The following SNAP91 variants were observed in gnomAD, a reference collection of about 807,000 sequenced individuals.
SNAP91 encodes the protein synaptosome associated protein 91.
A neutral mutation model predicts 100.3 loss-of-function variants in SNAP91; 27 were observed. That is an observed-to-expected ratio of 0.27 (90% CI 0.20 to 0.37). SNAP91 has a LOEUF of 0.37. SNAP91 is among the 10% of genes least tolerant of loss of function. The pLI, the probability that SNAP91 is intolerant of heterozygous loss-of-function variation, is 1.00. For synonymous variants in SNAP91, 404 were observed against 398.6 expected (o/e 1.01, Z -0.16); for missense variants, 986 against 1,123.7 (o/e 0.88, Z 1.75).
chr6:83,660,402 A>C (rs935716654), intron 5 of SNAP91, among the ~76,000 whole-genome samples: 13 of 152,236 alleles, frequency 8.5e-5, no homozygotes. Flanking sequence ...CCCCAAACTA[A>C]GGTCAGGTTA....
chr6:83,696,451 CAACT>C lies in SNAP91; in HGVS notation c.130+11343_130+11346del, dbSNP rs1587999670. On this transcript the variant is annotated intron_variant, in intron 2 of 29. Coordinates refer to ENST00000369694, the MANE Select transcript of SNAP91 (RefSeq NM_001242792.2). ...CATCTATAAAAATGAAAAGGCTGAT[CAACT>C]TCTAAGATTCTCCTAAGCCTAAAAA... Among the ~76,000 whole-genome samples, 3 of 152,316 alleles carry C rather than the reference CAACT, an allele frequency of 2.0e-5. No homozygotes were observed. The East Asian group carries it at 5.8e-4, about 29-fold the overall frequency.
chr6:83,560,260 G>T, intron 27 of SNAP91, 52 bp from the exon 28 acceptor site: 2 of 1,257,272 alleles, frequency 1.6e-6, no homozygotes, highest in Non-Finnish European at 1.2e-6. Context: ...ACTCACTAGG[G>T]CACTATCCTG....
intron 7 of SNAP91, among the ~76,000 whole-genome samples, chr6:83,645,787 G>A (rs758110527): frequency 2.6e-5 from 4 of 152,142 alleles, no homozygotes; most frequent in Non-Finnish European, 5.9e-5. Context: ...GGAGGTCAAG[G>A]CTGCAGTGAG....
At chr6:83,666,368 G>A (rs2098686324) in intron 2 of SNAP91, among the ~76,000 whole-genome samples, 1 of 151,954 alleles carries the variant, frequency 6.6e-6, no homozygotes, top group African/African-American at 2.4e-5. Context: ...AGCCACAGTG[G>A]GACAGTACAG....
In SNAP91 at chr6:83,591,195, AT is replaced by A; in HGVS notation, c.2014+15del. 1 of 1,528,230 alleles carries A rather than the reference AT, an allele frequency of 6.5e-7. No homozygotes were observed. The highest frequency in any genetic ancestry group is 9.1e-7 in the Non-Finnish European group (1 of 1,103,810). 94.7% of individuals were successfully genotyped at this position (1,528,230 alleles called of 1,614,324 possible). On this transcript the variant is annotated intron_variant, in intron 22 of 29. Transcript: ENST00000369694. ...CCAAATTTAACTTCTACAAAATACCATTTTAATTTAATTACCAGCTAGTAGG... is the reference window on the plus strand; with the variant it reads ...CCAAATTTAACTTCTACAAAATACCATTTAATTTAATTACCAGCTAGTAGG...
Position 83,610,726 on chromosome 6 carries a change from TATATATATATATATATATATAA to T in SNAP91, c.885-71_885-50del, listed in dbSNP as rs766128833. The T allele has an allele frequency of 2.2e-3, 438 of 197,802 alleles. 11 individuals are homozygous for T. Among genetic ancestry groups the T allele is most frequent in the Middle Eastern group, 0.01 (7 of 686 alleles). The allele number at this position is 197,802 out of a possible 1,614,324, so 12.3% of individuals were successfully genotyped here. On this transcript the variant is annotated intron_variant, in intron 11 of 29. Coordinates refer to ENST00000369694, the MANE Select transcript of SNAP91 (RefSeq NM_001242792.2). ...TTAAAACTGAATATATATATATATA[TATATATATATATATATATATAA>T]ATATATATGTGAATATATTTGTAGA...
chr6:83,680,280 A>T (rs1420281085), intron 2 of SNAP91, among the ~76,000 whole-genome samples: 1 of 152,182 alleles, frequency 6.6e-6, no homozygotes, highest in Non-Finnish European at 1.5e-5. Context: ...ATTCAAAAGG[A>T]ATAAGTAAGG....
chr6:83,666,352 A>T (rs1236019586), intron 2 of SNAP91, among the ~76,000 whole-genome samples: 3 of 152,088 alleles, frequency 2.0e-5, no homozygotes, highest in Non-Finnish European at 4.4e-5. Context: ...TAAGGAACAG[A>T]AGCTAAGCCA....
chr6:83,595,363 A>G (rs1218085564), intron 16 of SNAP91, among the ~76,000 whole-genome samples: 1 of 152,218 alleles, frequency 6.6e-6, no homozygotes, highest in Admixed American at 6.5e-5. Context: ...TCACATTTTA[A>G]GACTATAAGT....
chr6:83,619,249 T>G (rs1269501485), intron 9 of SNAP91, among the ~76,000 whole-genome samples: 1 of 152,186 alleles, frequency 6.6e-6, no homozygotes, highest in African/African-American at 2.4e-5. Context: ...TCATTTATAT[T>G]TCTTATAAAA....
At chr6:83,637,485 C>T (rs1210004872) in intron 8 of SNAP91, among the ~76,000 whole-genome samples, 1 of 152,192 alleles carries the variant, frequency 6.6e-6, no homozygotes, top group Admixed American at 6.5e-5. Context: ...CCCAGGGTTT[C>T]CAGCCTGGCA....
Position 83,665,905 on chromosome 6 carries a change from ATCT to A in SNAP91, c.131-327_131-325del, listed in dbSNP as rs1260746423. ...AGGAAGGCTAAGCCTCATGTATTTA[ATCT>A]TCTTTGTTACTGCTATAAGCACAAT... On this transcript the variant is annotated intron_variant, in intron 2 of 29. Coordinates refer to ENST00000369694, the MANE Select transcript of SNAP91 (RefSeq NM_001242792.2). Among the ~76,000 whole-genome samples the A allele has an allele frequency of 5.3e-5, 8 of 152,176 alleles. No individual in the cohort carries two copies. The East Asian group carries it at 1.2e-3, about 22-fold the overall frequency.
At chr6:83,706,809 C>T (rs796988837) in intron 2 of SNAP91, among the ~76,000 whole-genome samples, 13 of 152,326 alleles carry the variant, frequency 8.5e-5, no homozygotes, top group African/African-American at 3.1e-4. Context: ...CACAATAGAA[C>T]AGAAGATCCT....
chr6:83,677,745 T>TA (rs2128887159), intron 2 of SNAP91, among the ~76,000 whole-genome samples: 1 of 152,350 alleles, frequency 6.6e-6, no homozygotes, highest in African/African-American at 2.4e-5. Context: ...TTTTATATTT[T>TA]ATCCTCTTTT....
At chr6:83,649,525 T>C (rs1012082557) in intron 7 of SNAP91, among the ~76,000 whole-genome samples, 4 of 152,182 alleles carry the variant, frequency 2.6e-5, no homozygotes, top group Admixed American at 1.3e-4. Context: ...ATTAGAAGTG[T>C]CTCTAAGTCC....
intron 7 of SNAP91, among the ~76,000 whole-genome samples, chr6:83,653,617 G>C (rs949852986): frequency 6.6e-6 from 1 of 152,080 alleles, no homozygotes; most frequent in Non-Finnish European, 1.5e-5. Flanking sequence ...GTCGGGTTCT[G>C]ATGCTTGCTC....
intron 8 of SNAP91, among the ~76,000 whole-genome samples, chr6:83,631,039 T>C (rs1297060850): frequency 1.3e-5 from 2 of 152,154 alleles, no homozygotes; most frequent in African/African-American, 2.4e-5. Context: ...ATAGGTTGTG[T>C]CACTACTGTC....
Position 83,694,942 on chromosome 6 carries a change from T to G in SNAP91, c.130+12856A>C, listed in dbSNP as rs529331793. Among the ~76,000 whole-genome samples, 3 of 152,176 alleles carry G rather than the reference T, an allele frequency of 2.0e-5. No individual in the cohort carries two copies. The East Asian group carries it at 5.8e-4, about 29-fold the overall frequency. The stretch of plus-strand genomic sequence containing the variant: ...ACAGACAATATTTTGACATATATTC[T>G]TCCAAAATTATGGGCGTACACATAC... On this transcript the variant is annotated intron_variant, in intron 2 of 29. Coordinates refer to ENST00000369694, the MANE Select transcript of SNAP91 (RefSeq NM_001242792.2).
intron 3 of SNAP91, among the ~76,000 whole-genome samples, chr6:83,664,345 GA>G (rs1164067811): frequency 5.3e-5 from 8 of 152,126 alleles, no homozygotes; most frequent in African/African-American, 1.9e-4. Flanking sequence ...AAAGTAAATT[GA>G]AAACCTTCTA....
Sources: allele counts gnomAD v4.1 joint callset (sites outside exome capture counted in the v4.1 genomes callset), GRCh38; gene constraint gnomAD v4.1.1; transcripts MANE v1.5; gene names NCBI Gene and HGNC (gene_info 2026-07-23, HGNC 2026-07-21).